The following CIMIP2B variants were observed in gnomAD, a reference collection of about 807,000 sequenced individuals.
CIMIP2B encodes family with sequence similarity 166 member B.
chr9:35,563,761 T>A, the CIMIP2B span: 7 of 1,613,194 alleles, frequency 4.3e-6, no homozygotes, highest in South Asian at 7.7e-5. Context: ...TAAGTGGGAG[T>A]CTTACCCTGG....
chr9:35,563,185 G>A, the CIMIP2B span: 2 of 1,614,028 alleles, frequency 1.2e-6, no homozygotes, highest in Non-Finnish European at 1.7e-6. Flanking sequence ...CAGGGATCAT[G>A]CTGGAGCTGA....
the CIMIP2B span, chr9:35,562,266 G>A: frequency 9.3e-7 from 1 of 1,074,448 alleles, no homozygotes; most frequent in Middle Eastern, 2.5e-4. Flanking sequence ...TGAACCACAT[G>A]ATCTGAGCCC....
At chr9:35,563,579 A>C in the CIMIP2B span, among the ~76,000 whole-genome samples, 2 of 152,282 alleles carry the variant, frequency 1.3e-5, no homozygotes, top group East Asian at 1.9e-4. Flanking sequence ...GGAGAGAACA[A>C]CACAAAGCTT....
the CIMIP2B span, chr9:35,563,304 CAG>C: frequency 6.2e-7 from 1 of 1,613,984 alleles, no homozygotes; most frequent in South Asian, 1.1e-5. Flanking sequence ...CAGGCTAGGC[CAG>C]GAGGGCCTCG....
chr9:35,562,788 A>AC, the CIMIP2B span: 2 of 1,608,886 alleles, frequency 1.2e-6, no homozygotes, highest in Admixed American at 1.7e-5. Context: ...CCACAGCCAC[A>AC]CTACTCATGC....
the CIMIP2B span, chr9:35,563,779 T>C: frequency 6.2e-7 from 1 of 1,613,792 alleles, no homozygotes; most frequent in Non-Finnish European, 8.5e-7. Context: ...TGGGATATAA[T>C]GAGGGTTCTG....
the CIMIP2B span, chr9:35,562,881 C>T: frequency 6.2e-7 from 1 of 1,613,988 alleles, no homozygotes; most frequent in South Asian, 1.1e-5. Flanking sequence ...TCACTTGTTC[C>T]ACCACCTCCA....
At chr9:35,561,909 G>T in the CIMIP2B span, 1 of 626,576 alleles carries the variant, frequency 1.6e-6, no homozygotes, top group Non-Finnish European at 2.8e-6. Context: ...TTTTCTCTTT[G>T]TGTTCCCCCA....
the CIMIP2B span, chr9:35,563,414 C>G: frequency 1.9e-6 from 3 of 1,552,268 alleles, no homozygotes; most frequent in South Asian, 1.1e-5. Flanking sequence ...CTCCCACTCA[C>G]CAGAATCGCC....
the CIMIP2B span, chr9:35,563,166 C>T: frequency 1.9e-6 from 3 of 1,613,454 alleles, no homozygotes; most frequent in African/African-American, 2.7e-5. Flanking sequence ...GCGTACAAAC[C>T]TGTGTACCCA....
At chr9:35,561,935 A>ACCCACCTCTCT in the CIMIP2B span, 75 of 157,426 alleles carry the variant, frequency 4.8e-4, 3 homozygotes, top group South Asian at 2.7e-3. Flanking sequence ...CCACCCTCCC[A>ACCCACCTCTCT]CCCACCTCTC....
chr9:35,563,431 C>T, the CIMIP2B span: 40 of 1,481,972 alleles, frequency 2.7e-5, no homozygotes, highest in African/African-American at 1.2e-4. Flanking sequence ...CGCCCTGCCC[C>T]GCCATCCCCA....
chr9:35,562,333 CAA>C, the CIMIP2B span: 3 of 408,376 alleles, frequency 7.3e-6, no homozygotes, highest in Non-Finnish European at 1.1e-5. Flanking sequence ...CATACCCATA[CAA>C]ACAAACATTC....
the CIMIP2B span, chr9:35,561,838 A>G: frequency 1.6e-6 from 1 of 619,278 alleles, no homozygotes; most frequent in East Asian, 2.8e-5. Context: ...GCGTCTGTTT[A>G]TGTATTTATT....
the CIMIP2B span, chr9:35,562,828 C>A: frequency 6.2e-7 from 1 of 1,612,230 alleles, no homozygotes; most frequent in Non-Finnish European, 8.5e-7. Context: ...CACAGTAAGA[C>A]CCCCACTCCC....
At chr9:35,562,315 A>G in the CIMIP2B span, 1 of 1,328,706 alleles carries the variant, frequency 7.5e-7, no homozygotes. Flanking sequence ...AAACCACCCA[A>G]CCCACCCCAT....
the CIMIP2B span, chr9:35,563,747 G>A: frequency 2.5e-6 from 4 of 1,609,530 alleles, no homozygotes; most frequent in Admixed American, 1.7e-5. Flanking sequence ...CAAGCGGGGA[G>A]CGCTAAGTGG....
the CIMIP2B span, chr9:35,562,747 G>C: frequency 6.2e-7 from 1 of 1,612,358 alleles, no homozygotes; most frequent in South Asian, 1.1e-5. Context: ...CAAGGAGGTG[G>C]AGCTGACAAT....
At chr9:35,562,082 C>T in the CIMIP2B span, 3 of 1,534,752 alleles carry the variant, frequency 2.0e-6, no homozygotes, top group Admixed American at 5.9e-5. Context: ...TGTGGCCAAA[C>T]TGGAACTTAT....
Sources: gnomAD v4.1 joint callset for allele counts (sites outside exome capture counted in the v4.1 genomes callset) on GRCh38, gnomAD v4.1.1 for gene constraint, MANE v1.5 for transcripts, NCBI Gene and HGNC (gene_info 2026-07-23, HGNC 2026-07-21) for gene names.